Variants in EYS observed in about 807,000 individuals in gnomAD.
EYS encodes EGF-like photoreceptor maintenance factor.
EYS carries 250 observed loss-of-function variants against 282.1 expected under a neutral mutation model. That is an observed-to-expected ratio of 0.89 (90% confidence interval 0.80 to 0.98). The LOEUF (loss-of-function observed/expected upper bound fraction) is 0.98. Ranked by LOEUF, EYS falls within the 50% of genes least tolerant of loss-of-function variation. The pLI is 0.00. For synonymous variants in EYS, 1,355 were observed against 1,282.9 expected (o/e 1.06, Z -1.20); for missense variants, 4,016 against 3,709.0 (o/e 1.08, Z -2.15).
At chr6:64,346,891 T>C (rs1203908257) in intron 29 of EYS, among the ~76,000 whole-genome samples, 1 of 151,478 alleles carries the variant, frequency 6.6e-6, no homozygotes, top group African/African-American at 2.4e-5. Flanking sequence ...ATTTTGATTA[T>C]ATGTATCACT....
intron 2 of EYS, among the ~76,000 whole-genome samples, chr6:65,534,854 G>T (rs1271513389): frequency 6.6e-6 from 1 of 152,016 alleles, no homozygotes; most frequent in African/African-American, 2.4e-5. Flanking sequence ...CTTCTCATTT[G>T]GGTGGTTTAT....
At chr6:65,309,252 G>A (rs146683425) in intron 11 of EYS, among the ~76,000 whole-genome samples, 8 of 152,056 alleles carry the variant, frequency 5.3e-5, no homozygotes, top group Admixed American at 1.3e-4. Context: ...TTTTATCTCC[G>A]TTAACATATG....
chr6:65,681,320 T>C (rs1294096528), intron 1 of EYS, among the ~76,000 whole-genome samples: 1 of 151,988 alleles, frequency 6.6e-6, no homozygotes, highest in African/African-American at 2.4e-5. Flanking sequence ...CATTAGCATA[T>C]GAAAAGACTT....
chr6:65,295,109 G>T (rs1180875075), intron 12 of EYS, among the ~76,000 whole-genome samples: 1 of 151,722 alleles, frequency 6.6e-6, no homozygotes, highest in Admixed American at 6.6e-5. Flanking sequence ...TTCGAATTGG[G>T]TCTGCTTAAT....
chr6:65,629,550 A>C (rs1766840448), intron 2 of EYS, among the ~76,000 whole-genome samples: 1 of 152,132 alleles, frequency 6.6e-6, no homozygotes, highest in African/African-American at 2.4e-5. Flanking sequence ...ATGAGAACTA[A>C]ATCAGCATGA....
At chr6:63,790,208 CCTT>C (rs140197244) in intron 37 of EYS, among the ~76,000 whole-genome samples, 4 of 152,268 alleles carry the variant, frequency 2.6e-5, no homozygotes, top group East Asian at 3.9e-4. Flanking sequence ...ACAGCCTCCT[CCTT>C]CTGCATTTAT....
At chr6:63,750,148 A>T (rs1209753890) in intron 41 of EYS, among the ~76,000 whole-genome samples, 1 of 152,162 alleles carries the variant, frequency 6.6e-6, no homozygotes, top group Non-Finnish European at 1.5e-5. Context: ...TTGTTCATGC[A>T]TAATTTTCCT....
intron 11 of EYS, among the ~76,000 whole-genome samples, chr6:65,322,900 A>C (rs565037679): frequency 6.6e-6 from 1 of 151,102 alleles, no homozygotes; most frequent in South Asian, 2.1e-4. Context: ...CTCTTGATTT[A>C]GGGAAAAAAG....
chr6:64,295,866 A>G (rs1275453881), intron 30 of EYS, among the ~76,000 whole-genome samples: 4 of 152,186 alleles, frequency 2.6e-5, no homozygotes, highest in Non-Finnish European at 4.4e-5. Flanking sequence ...AATGACAGCT[A>G]TACAATACTT....
intron 29 of EYS, among the ~76,000 whole-genome samples, chr6:64,366,302 G>T (rs999161293): frequency 5.3e-5 from 8 of 151,916 alleles, no homozygotes; most frequent in Non-Finnish European, 1.2e-4. Flanking sequence ...CTCCAAAAAG[G>T]GAGCTACCAT....
At chr6:64,506,621 G>A (rs1017936928) in intron 26 of EYS, among the ~76,000 whole-genome samples, 1 of 152,076 alleles carries the variant, frequency 6.6e-6, no homozygotes, top group Non-Finnish European at 1.5e-5. Flanking sequence ...ATTTAAAACT[G>A]CCTTACCTAG....
chr6:63,811,490 C>T (rs1267454693), intron 36 of EYS, among the ~76,000 whole-genome samples: 3 of 152,046 alleles, frequency 2.0e-5, no homozygotes, highest in Non-Finnish European at 4.4e-5. Flanking sequence ...TTTTTCCTAC[C>T]TTAATGACTG....
intron 33 of EYS, among the ~76,000 whole-genome samples, chr6:64,000,740 A>C (rs1357916439): frequency 3.3e-5 from 5 of 152,092 alleles, no homozygotes; most frequent in African/African-American, 9.7e-5. Context: ...CTCCTTGCCT[A>C]CTAGGTAATA....
chr6:64,976,685 C>T (rs1013686504), intron 14 of EYS, among the ~76,000 whole-genome samples: 12 of 151,874 alleles, frequency 7.9e-5, no homozygotes, highest in Admixed American at 5.3e-4. Flanking sequence ...GGGATATAAA[C>T]ATTTAGAACA....
intron 26 of EYS, among the ~76,000 whole-genome samples, chr6:64,551,758 C>T (rs933576205): frequency 5.9e-5 from 9 of 151,948 alleles, no homozygotes; most frequent in African/African-American, 2.2e-4. Flanking sequence ...AAAGCATTTT[C>T]CTTTATAGAA....
chr6:64,869,126 ATTCTC>A (rs1373120840), intron 19 of EYS, among the ~76,000 whole-genome samples: 1 of 151,496 alleles, frequency 6.6e-6, no homozygotes, highest in Non-Finnish European at 1.5e-5. Context: ...ATATGAAAGG[ATTCTC>A]TTATCTACTT....
intron 31 of EYS, among the ~76,000 whole-genome samples, chr6:64,139,829 C>T (rs1247193372): frequency 4.0e-5 from 6 of 151,762 alleles, no homozygotes; most frequent in South Asian, 2.1e-4. Context: ...ATTAGCTGGG[C>T]GTGGTGGCAG....
chr6:64,626,749 A>G (rs1767622220), intron 22 of EYS, among the ~76,000 whole-genome samples: 1 of 152,212 alleles, frequency 6.6e-6, no homozygotes. Flanking sequence ...CTCCACAACT[A>G]TGAACAAATA....
intron 30 of EYS, among the ~76,000 whole-genome samples, chr6:64,258,656 A>T (rs1164635221): frequency 6.6e-6 from 1 of 152,134 alleles, no homozygotes; most frequent in East Asian, 1.9e-4. Context: ...ATTTACCTCA[A>T]GATATTAAGT....
Sources: gnomAD v4.1 joint callset for allele counts (sites outside exome capture counted in the v4.1 genomes callset) on GRCh38, gnomAD v4.1.1 for gene constraint, MANE v1.5 for transcripts, NCBI Gene and HGNC (gene_info 2026-07-23, HGNC 2026-07-21) for gene names.